Variants in SLC22A3 observed in about 807,000 individuals in gnomAD.
SLC22A3 encodes the protein EMT organic cation transporter 3.
In SLC22A3, 51 loss-of-function variants were observed where a neutral mutation model predicts 59.1. The observed-to-expected ratio is 0.86, with a 90% CI of 0.69 to 1.09. The LOEUF (loss-of-function observed/expected upper bound fraction) is 1.09. Among genes scored for constraint, SLC22A3 ranks in the 50% least tolerant of loss-of-function variants. The pLI, the probability that SLC22A3 is intolerant of heterozygous loss-of-function variation, is 0.00. For synonymous variants in SLC22A3, 325 were observed against 292.0 expected, an observed-to-expected ratio of 1.11 and a Z score of -1.15; for missense variants, 711 against 726.3, an observed-to-expected ratio of 0.98 and a Z score of 0.24.
intron 1 of SLC22A3, 78 bp downstream of exon 1, chr6:160,348,926 C>A (rs563285680): frequency 6.5e-7 from 1 of 1,532,302 alleles, no homozygotes; most frequent in Non-Finnish European, 8.7e-7. Context: ...GCGTGTGAGA[C>A]GCTGGCCGCC....
At chr6:160,417,344 G>A (rs1787540884) in intron 5 of SLC22A3, among the ~76,000 whole-genome samples, 2 of 152,186 alleles carry the variant, frequency 1.3e-5, no homozygotes, top group African/African-American at 4.8e-5. Flanking sequence ...CTGGAGCAGA[G>A]CTGCAGCAGC....
At chr6:160,394,225 A>G (rs772660679) in intron 1 of SLC22A3, among the ~76,000 whole-genome samples, 1 of 152,246 alleles carries the variant, frequency 6.6e-6, no homozygotes, top group African/African-American at 2.4e-5. Context: ...TTCAGACTTA[A>G]GTGAATTGTT....
In SLC22A3 at chr6:160,447,744, C is replaced by T. The variant is rs1300577922; in HGVS notation, c.1536C>T (p.Gly512=). Residue 512 remains glycine (G), a synonymous_variant, in exon 10 of 11, where the codon GGC becomes GGT. Coordinates refer to ENST00000275300, the MANE Select transcript of SLC22A3 (RefSeq NM_021977.4). ...GTATCCTGGCATCCATCTGTGGTGG[C>T]CTTGTGATGCTTTTGCCTGAAACCA... The part of the protein sequence containing the change: ...IFGILASICG[G]LVMLLPETKG... 3 of 1,613,908 alleles carry T rather than the reference C, an allele frequency of 1.9e-6. No individual in the cohort carries two copies. In the South Asian group the frequency reaches 3.3e-5, roughly 18 times the overall value.
intron 10 of SLC22A3, 93 bp downstream of exon 10, chr6:160,447,911 A>G (rs899016246): frequency 1.2e-5 from 12 of 976,076 alleles, no homozygotes; most frequent in Middle Eastern, 2.1e-4. Context: ...ATCCACAGGG[A>G]AAAAAATAAG....
chr6:160,355,321 C>T (rs902423501), intron 1 of SLC22A3, among the ~76,000 whole-genome samples: 5 of 152,156 alleles, frequency 3.3e-5, no homozygotes, highest in Non-Finnish European at 5.9e-5. Flanking sequence ...CTCTGTGCCT[C>T]CACCCCATGT....
chr6:160,374,361 G>A, intron 1 of SLC22A3, among the ~76,000 whole-genome samples: 1 of 152,208 alleles, frequency 6.6e-6, no homozygotes, highest in African/African-American at 2.4e-5. Flanking sequence ...GTCCCAGTGA[G>A]ATGAGCTGGT....
intron 10 of SLC22A3, 145 bp from the exon 11 acceptor site, chr6:160,450,851 G>A (rs1293921728): frequency 1.3e-6 from 1 of 782,244 alleles, no homozygotes; most frequent in Non-Finnish European, 2.1e-6. Flanking sequence ...AAATGATCCT[G>A]GAGACAGATA....
Position 160,452,117 on chromosome 6 carries a change from T to G in SLC22A3, c.*1061T>G, listed in dbSNP as rs971193233. The G allele has an allele frequency of 6.6e-6, 1 of 152,222 alleles. No individual in the cohort carries two copies. Among genetic ancestry groups the G allele is most frequent in the Non-Finnish European group, 1.5e-5 (1 of 68,030 alleles). The allele number at this position is 152,222 out of a possible 1,614,324, so 9.4% of individuals were successfully genotyped here. On this transcript the variant is annotated 3_prime_UTR_variant, in exon 11 of 11. Coordinates refer to ENST00000275300, the MANE Select transcript of SLC22A3 (RefSeq NM_021977.4). ...ACAGAGACTAATAAGGGATTTGATCTTTCTTTTTTTGTTATCGAGGCTTTT... is the reference window on the plus strand; with the variant it reads ...ACAGAGACTAATAAGGGATTTGATCGTTCTTTTTTTGTTATCGAGGCTTTT...
At chr6:160,377,280 T>C (rs191965042) in intron 1 of SLC22A3, among the ~76,000 whole-genome samples, 6 of 151,860 alleles carry the variant, frequency 4.0e-5, no homozygotes, top group Admixed American at 1.3e-4. Context: ...AGGTCAGGAG[T>C]TCGAGACCAG....
intron 1 of SLC22A3, among the ~76,000 whole-genome samples, chr6:160,361,630 A>G (rs9346816): frequency 0.47 from 71,794 of 152,004 alleles, 17,266 homozygotes; most frequent in South Asian, 0.63. Context: ...ATTTTTGTAG[A>G]TTTTTTTTAG....
At chr6:160,381,189 C>A (rs1322280441) in intron 1 of SLC22A3, among the ~76,000 whole-genome samples, 1 of 152,148 alleles carries the variant, frequency 6.6e-6, no homozygotes, top group Non-Finnish European at 1.5e-5. Context: ...CTTCCTAATA[C>A]CACATGTAGG....
intron 1 of SLC22A3, among the ~76,000 whole-genome samples, chr6:160,383,943 T>TG (rs1297017739): frequency 1.3e-5 from 2 of 152,102 alleles, no homozygotes; most frequent in African/African-American, 2.4e-5. Context: ...TCAGTTTTGG[T>TG]GGGGGGGATG....
intron 2 of SLC22A3, among the ~76,000 whole-genome samples, chr6:160,400,084 ATT>A (rs760874011): frequency 0.059 from 5,632 of 95,352 alleles, 183 homozygotes; most frequent in African/African-American, 0.099. Flanking sequence ...AGCTTTTGTG[ATT>A]TTTTTTTTTT....
chr6:160,410,019 T>C (rs1787181784), intron 4 of SLC22A3, among the ~76,000 whole-genome samples: 1 of 152,210 alleles, frequency 6.6e-6, no homozygotes, highest in Non-Finnish European at 1.5e-5. Flanking sequence ...CATTTGATTT[T>C]TGTTGTTGCT....
At chr6:160,396,858 C>T (rs1786492992) in intron 1 of SLC22A3, among the ~76,000 whole-genome samples, 1 of 151,916 alleles carries the variant, frequency 6.6e-6, no homozygotes, top group Non-Finnish European at 1.5e-5. Flanking sequence ...AATTAAATGT[C>T]AATTTATATA....
chr6:160,441,624 G>A (rs190219974), intron 7 of SLC22A3, among the ~76,000 whole-genome samples: 1 of 37,310 alleles, frequency 2.7e-5, no homozygotes, highest in South Asian at 9.9e-4. Flanking sequence ...TTTTTTTTTT[G>A]ACTTGGCTAT....
chr6:160,377,486 A>AG (rs1021501785), intron 1 of SLC22A3, among the ~76,000 whole-genome samples: 1 of 152,022 alleles, frequency 6.6e-6, no homozygotes, highest in African/African-American at 2.4e-5. Context: ...TTTCAAAAAA[A>AG]AAAAAAGAAA....
Position 160,446,647 on chromosome 6 carries a change from G to A in SLC22A3, c.1511-1072G>A, listed in dbSNP as rs1172477782. On this transcript the variant is annotated intron_variant, in intron 9 of 10. Transcript: ENST00000275300. ...CCTCAACATGTGGGGATTACAATTCGAGATGAGATTTGGGTGGATAGACAG... is the reference window on the plus strand; with the variant it reads ...CCTCAACATGTGGGGATTACAATTCAAGATGAGATTTGGGTGGATAGACAG... Among the ~76,000 whole-genome samples, 6 of 152,186 alleles carry A rather than the reference G, an allele frequency of 3.9e-5. No homozygotes were observed. In the East Asian group the frequency reaches 9.6e-4, roughly 24 times the overall value.
intron 2 of SLC22A3, among the ~76,000 whole-genome samples, chr6:160,399,496 C>T (rs191019256): frequency 1.3e-5 from 2 of 152,172 alleles, no homozygotes; most frequent in Admixed American, 6.5e-5. Context: ...TTCCTATATT[C>T]TCATAAGTGA....
Sources: gnomAD v4.1 joint callset for allele counts (sites outside exome capture counted in the v4.1 genomes callset) on GRCh38, gnomAD v4.1.1 for gene constraint, MANE v1.5 for transcripts, NCBI Gene and HGNC (gene_info 2026-07-23, HGNC 2026-07-21) for gene names.